The following PKN2 variants were observed in gnomAD, a reference collection of about 807,000 sequenced individuals.
The protein encoded by PKN2 is serine/threonine-protein kinase N2.
PKN2 carries 38 observed loss-of-function variants against 119.1 expected under a neutral mutation model. That is an observed-to-expected ratio of 0.32 (90% CI 0.25 to 0.42). The LOEUF is 0.42. Among genes scored for constraint, PKN2 ranks in the 10% least tolerant of loss-of-function variants. PKN2 has a pLI of 1.00. For synonymous variants in PKN2, 390 were observed against 384.9 expected (o/e 1.01, Z -0.15); for missense variants, 850 against 1,165.1 (o/e 0.73, Z 3.94).
chr1:88,806,669 T>G (rs1183210170), intron 12 of PKN2, among the ~76,000 whole-genome samples: 1 of 152,180 alleles, frequency 6.6e-6, no homozygotes, highest in Non-Finnish European at 1.5e-5. Context: ...AATACTATTC[T>G]TCTTCTAACT....
chr1:88,780,604 C>T (rs2100820721), intron 6 of PKN2, among the ~76,000 whole-genome samples: 1 of 152,198 alleles, frequency 6.6e-6, no homozygotes, highest in Non-Finnish European at 1.5e-5. Flanking sequence ...AGAGCAAAGA[C>T]CTTGTCATCT....
intron 4 of PKN2, 40 bp downstream of exon 4, chr1:88,770,509 G>GCACCATTA: frequency 9.6e-7 from 1 of 1,045,578 alleles, no homozygotes; most frequent in Non-Finnish European, 1.5e-6. Flanking sequence ...GAGCATAATG[G>GCACCATTA]TGCTAAATAA....
At chr1:88,708,339 C>G (rs1484321922) in intron 1 of PKN2, among the ~76,000 whole-genome samples, 1 of 152,060 alleles carries the variant, frequency 6.6e-6, no homozygotes, top group Non-Finnish European at 1.5e-5. Context: ...ATTTTATAAA[C>G]TTTATTCCAT....
At chr1:88,719,156 T>A (rs918549424) in intron 1 of PKN2, among the ~76,000 whole-genome samples, 2 of 152,228 alleles carry the variant, frequency 1.3e-5, no homozygotes, top group Non-Finnish European at 2.9e-5. Context: ...TAAATCACAT[T>A]TGTGTCAAAT....
chr1:88,771,383 G>C, intron 4 of PKN2, 38 bp from the exon 5 acceptor site: 2 of 1,535,152 alleles, frequency 1.3e-6, no homozygotes, highest in Non-Finnish European at 8.8e-7. Context: ...TGGAAAGTCA[G>C]ATAAATGGTG....
chr1:88,799,952 G>A (rs953093099), intron 8 of PKN2, among the ~76,000 whole-genome samples: 2 of 152,152 alleles, frequency 1.3e-5, no homozygotes, highest in Non-Finnish European at 2.9e-5. Context: ...CAATATCATC[G>A]CTCGTGTACA....
intron 1 of PKN2, among the ~76,000 whole-genome samples, chr1:88,704,098 A>G (rs992333098): frequency 6.6e-6 from 1 of 152,170 alleles, no homozygotes; most frequent in African/African-American, 2.4e-5. Flanking sequence ...TATAATGAAC[A>G]TATTTACCAC....
At chr1:88,815,446 AT>A (rs1411239342) in intron 16 of PKN2, 1 of 351,810 alleles carries the variant, frequency 2.8e-6, no homozygotes, top group Non-Finnish European at 5.4e-6. Context: ...TTTTCATATC[AT>A]TTTATTTCTA....
chr1:88,777,415 C>CT, intron 6 of PKN2, among the ~76,000 whole-genome samples: 1 of 152,182 alleles, frequency 6.6e-6, no homozygotes, highest in East Asian at 1.9e-4. Context: ...CTGTTAATTT[C>CT]TTTTTTCTGT....
At chr1:88,769,225 T>C (rs999521758) in intron 3 of PKN2, among the ~76,000 whole-genome samples, 1 of 152,174 alleles carries the variant, frequency 6.6e-6, no homozygotes, top group Non-Finnish European at 1.5e-5. Flanking sequence ...TCTTAAGATA[T>C]AACAGAAGTG....
intron 12 of PKN2, among the ~76,000 whole-genome samples, chr1:88,806,445 C>CA (rs1314260182): frequency 5.9e-5 from 9 of 152,240 alleles, no homozygotes; most frequent in African/African-American, 2.2e-4. Flanking sequence ...GCTGGGATTA[C>CA]AGGCATGAGC....
At chr1:88,823,703 TAA>T (rs61234342) in intron 17 of PKN2, among the ~76,000 whole-genome samples, 34 of 65,774 alleles carry the variant, frequency 5.2e-4, no homozygotes, top group African/African-American at 1.5e-3. Context: ...GACTCTGTCT[TAA>T]AAAAAAAAAA....
rs1672914304 is a variant in PKN2 at position 88,835,618 on chromosome 1, G to A, written c.*2170G>A. Reference sequence around the variant, plus strand: ...GCTTTATAGAGTGTAAATATATTTTGCTATTACTGTATGTGTATGTGACTG... The same window carrying A: ...GCTTTATAGAGTGTAAATATATTTTACTATTACTGTATGTGTATGTGACTG... On this transcript the variant is annotated 3_prime_UTR_variant, in exon 22 of 22. Coordinates refer to ENST00000370521, the MANE Select transcript of PKN2 (RefSeq NM_006256.4). The A allele has an allele frequency of 6.6e-6, 1 of 152,202 alleles. No individual in the cohort carries two copies. The highest frequency in any genetic ancestry group is 2.4e-5 in the African/African-American group (1 of 41,300). The allele number at this position is 152,202 out of a possible 1,614,324, so 9.4% of individuals were successfully genotyped here. A position where few individuals can be genotyped will look rare whatever the true frequency, so the allele number is the denominator to read the frequency against.
chr1:88,824,230 T>C, intron 17 of PKN2, 80 bp from the exon 18 acceptor site: 1 of 701,766 alleles, frequency 1.4e-6, no homozygotes. Flanking sequence ...CAGTTCCAAT[T>C]GCAATTATTT....
chr1:88,813,240 TC>T (rs1328472060), intron 15 of PKN2, among the ~76,000 whole-genome samples: 1 of 152,150 alleles, frequency 6.6e-6, no homozygotes, highest in Non-Finnish European at 1.5e-5. Context: ...TCTGACCAAT[TC>T]CTGAAGAATT....
At chr1:88,747,428 A>T (rs909549884) in intron 2 of PKN2, among the ~76,000 whole-genome samples, 1 of 152,152 alleles carries the variant, frequency 6.6e-6, no homozygotes, top group African/African-American at 2.4e-5. Context: ...TTGTCATTCT[A>T]TGTGGAAATT....
chr1:88,759,058 T>A (rs1458294876), intron 2 of PKN2, among the ~76,000 whole-genome samples: 2 of 152,232 alleles, frequency 1.3e-5, no homozygotes, highest in African/African-American at 4.8e-5. Flanking sequence ...TGTTATTTTT[T>A]GACTTTTTAA....
At chr1:88,798,067 T>A (rs1481547411) in intron 8 of PKN2, among the ~76,000 whole-genome samples, 1 of 151,970 alleles carries the variant, frequency 6.6e-6, no homozygotes, top group Non-Finnish European at 1.5e-5. Flanking sequence ...ATTCCTTCCA[T>A]AAAGGACCCT....
chr1:88,793,444 C>T (rs542939645), intron 8 of PKN2, among the ~76,000 whole-genome samples: 1 of 152,238 alleles, frequency 6.6e-6, no homozygotes, highest in East Asian at 1.9e-4. Flanking sequence ...TCGACCTGTA[C>T]ATTTCAAACT....
Sources: allele counts gnomAD v4.1 joint callset (sites outside exome capture counted in the v4.1 genomes callset), GRCh38; gene constraint gnomAD v4.1.1; transcripts MANE v1.5; gene names NCBI Gene and HGNC (gene_info 2026-07-23, HGNC 2026-07-21).